The following DCTD variants were observed in gnomAD, a reference collection of about 807,000 sequenced individuals.
DCTD encodes dCMP deaminase, also known as deoxycytidylate deaminase.
A neutral mutation model predicts 21.0 loss-of-function variants in DCTD; 23 were observed. That is an observed-to-expected ratio of 1.09 (90% CI 0.79 to 1.55). The LOEUF (loss-of-function observed/expected upper bound fraction) is 1.55, where lower values mean the gene tolerates loss of function less well. Ranked by LOEUF, DCTD falls within the 40% of genes most tolerant of loss-of-function variation. The probability of loss-of-function intolerance (pLI) is 0.00; values close to 1 mark genes in which losing one functional copy is unlikely to be tolerated. For missense variants in DCTD, 224 were observed against 230.0 expected (o/e 0.97, Z 0.17); for synonymous variants, 71 against 81.1 (o/e 0.88, Z 0.67).
chr4:182,909,772 G>T (rs1187464217), intron 3 of DCTD, among the ~76,000 whole-genome samples: 2 of 152,154 alleles, frequency 1.3e-5, no homozygotes, highest in African/African-American at 4.8e-5. Flanking sequence ...TGGCAGTCAG[G>T]AAAATGTCAG....
At chr4:182,911,334 A>T (rs1393919777) in intron 3 of DCTD, 1 of 152,214 alleles carries the variant, frequency 6.6e-6, no homozygotes, top group Middle Eastern at 3.1e-3. Context: ...TTAGGGTTTC[A>T]ACATGTGAAT....
At chr4:182,898,361 G>A (rs747572993) in intron 3 of DCTD, among the ~76,000 whole-genome samples, 1 of 152,344 alleles carries the variant, frequency 6.6e-6, no homozygotes, top group East Asian at 1.9e-4. Context: ...CTTGGAAGCC[G>A]GATGACCTTC....
At chr4:182,911,151 C>G (rs1737595108) in intron 3 of DCTD, 1 of 152,138 alleles carries the variant, frequency 6.6e-6, no homozygotes, top group Non-Finnish European at 1.5e-5. Flanking sequence ...GCAAGGTCTC[C>G]TTTCAGGGTT....
intron 3 of DCTD, among the ~76,000 whole-genome samples, chr4:182,904,371 T>C (rs1282845050): frequency 6.6e-6 from 1 of 152,146 alleles, no homozygotes; most frequent in Admixed American, 6.5e-5. Flanking sequence ...AATGCACACG[T>C]GATGCCTAAA....
chr4:182,898,919 A>G (rs1459108962), intron 3 of DCTD, among the ~76,000 whole-genome samples: 1 of 152,238 alleles, frequency 6.6e-6, no homozygotes, highest in Non-Finnish European at 1.5e-5. Flanking sequence ...TTCTGTTTTA[A>G]TGAAATAGGT....
rs1467685146 is a variant in DCTD at position 182,917,172 on chromosome 4, G to C, written c.-8+139C>G. 1 of 989,576 alleles carries C rather than the reference G, an allele frequency of 1.0e-6. No homozygotes were observed. Among genetic ancestry groups the C allele is most frequent in the Non-Finnish European group, 1.2e-6 (1 of 833,180 alleles). The allele number at this position is 989,576 out of a possible 1,614,324, so 61.3% of individuals were successfully genotyped here. A position where few individuals can be genotyped will look rare whatever the true frequency, so the allele number is the denominator to read the frequency against. ...ATTCTCCGATCTAAAGGCTGAGCGC[G>C]GCCGAGGCGCCCCCAGCGTCCGCGG... is the stretch of plus-strand genomic sequence containing the variant. On this transcript the variant is annotated intron_variant, in intron 1 of 5. Coordinates refer to ENST00000438320, the MANE Select transcript of DCTD (RefSeq NM_001921.3). The surrounding 1 kb of genome is among the most constrained non-coding windows in gnomAD (Gnocchi z 4.9).
chr4:182,900,334 CA>C (rs755745027), intron 3 of DCTD, among the ~76,000 whole-genome samples: 6 of 151,854 alleles, frequency 4.0e-5, no homozygotes, highest in Non-Finnish European at 5.9e-5. Context: ...AAAAAAGTTT[CA>C]GATTTTGATT....
At chr4:182,903,581 G>A (rs575644616) in intron 3 of DCTD, among the ~76,000 whole-genome samples, 6 of 152,232 alleles carry the variant, frequency 3.9e-5, no homozygotes, top group East Asian at 1.9e-4. Flanking sequence ...AAATGACAGC[G>A]CAAAGGAATT....
chr4:182,916,755 G>A, intron 1 of DCTD: 16 of 1,109,718 alleles, frequency 1.4e-5, no homozygotes, highest in Non-Finnish European at 1.7e-5. Context: ...AGCCATGGGG[G>A]GCGAGGGAAG....
rs149094644 is a variant in DCTD, at chr4:182,902,630, A to G, written c.245-8025T>C. On this transcript the variant is annotated intron_variant, in intron 3 of 5. Coordinates refer to ENST00000438320, the MANE Select transcript of DCTD (RefSeq NM_001921.3). ...CAGCCCTTAGTAACAGGACTGGAGC[A>G]AGAAAATAAAACAGTTTAAAACTTT... 4.2e-3 allele frequency among the ~76,000 whole-genome samples: 647 copies of G among 152,354 alleles called. 5 individuals carry two copies. Among genetic ancestry groups the G allele is most frequent in the African/African-American group, 0.015 (618 of 41,576 alleles).
chr4:182,917,387 G>A (rs1250109556), upstream of DCTD: 3 of 1,086,512 alleles, frequency 2.8e-6, no homozygotes, highest in African/African-American at 1.7e-5. The surrounding 1 kb of genome is among the most constrained non-coding windows in gnomAD (Gnocchi z 4.9). Flanking sequence ...GTCGGGGGAG[G>A]AGGCGGGGCC....
At chr4:182,895,507 C>A (rs1734581514) in intron 3 of DCTD, among the ~76,000 whole-genome samples, 1 of 152,210 alleles carries the variant, frequency 6.6e-6, no homozygotes, top group Admixed American at 6.5e-5. Flanking sequence ...AGGGGATCCC[C>A]TTCCTCCCTC....
chr4:182,901,694 T>A (rs925722227), intron 3 of DCTD, among the ~76,000 whole-genome samples: 5 of 151,828 alleles, frequency 3.3e-5, no homozygotes, highest in Non-Finnish European at 7.4e-5. Flanking sequence ...AGCATCACCC[T>A]CTATTATTTC....
chr4:182,915,098 G>T, intron 2 of DCTD, 40 bp from the exon 3 acceptor site: 1 of 1,613,850 alleles, frequency 6.2e-7, no homozygotes. Context: ...GCCTGCAACT[G>T]GCTGGTCTGC....
chr4:182,893,963 A>G (rs2152854697), intron 4 of DCTD, among the ~76,000 whole-genome samples: 1 of 152,380 alleles, frequency 6.6e-6, no homozygotes, highest in East Asian at 1.9e-4. Flanking sequence ...AGTTTGAAAA[A>G]GGCGAAATAT....
At chr4:182,914,370 A>C (rs1173459212) in intron 3 of DCTD, among the ~76,000 whole-genome samples, 1 of 152,194 alleles carries the variant, frequency 6.6e-6, no homozygotes, top group South Asian at 2.1e-4. Flanking sequence ...CTGTAACTGG[A>C]GGAAGCAACT....
chr4:182,891,284 C>A lies in DCTD; in HGVS notation c.*115G>T, dbSNP rs1733697867. The A allele has an allele frequency of 2.8e-6, 2 of 726,224 alleles. No homozygotes were observed. The highest frequency in any genetic ancestry group is 2.1e-5 in the Admixed American group (1 of 46,998). 45.0% of individuals were successfully genotyped at this position (726,224 alleles called of 1,614,324 possible). On this transcript the variant is annotated 3_prime_UTR_variant, in exon 6 of 6. Transcript: ENST00000438320. ...TTTGAGGCTTTATATTCTTTAGATGCCTACTTTTGCCATACTGGCTAGTAA... is the reference window on the plus strand; with the variant it reads ...TTTGAGGCTTTATATTCTTTAGATGACTACTTTTGCCATACTGGCTAGTAA...
Position 182,893,097 on chromosome 4 carries a change from T to G in DCTD, c.392A>C (p.Lys131Thr), listed in dbSNP as rs1561314904. The change falls in exon 5 of 6, where the codon AAA becomes ACA. Residue 131 changes from lysine to threonine, a missense_variant. Coordinates refer to ENST00000438320, the MANE Select transcript of DCTD (RefSeq NM_001921.3). ...AGTTGCCTCGTCACTATCATGGTAT[T>G]TATCAGACATGAAAATCACTTCTTT... Reference protein sequence around the residue: ...GIKEVIFMSDKYHDSDEATAA... With the variant: ...GIKEVIFMSDTYHDSDEATAA... The G allele has an allele frequency of 6.2e-7, 1 of 1,610,990 alleles. No individual in the cohort carries two copies. The highest frequency in any genetic ancestry group is 8.5e-7 in the Non-Finnish European group (1 of 1,177,948).
At chr4:182,914,573 C>A (rs147528869) in intron 3 of DCTD, among the ~76,000 whole-genome samples, 243 of 152,368 alleles carry the variant, frequency 1.6e-3, no homozygotes, top group African/African-American at 5.5e-3. Flanking sequence ...AGACACCATG[C>A]ACATCCCTCA....
Sources: gnomAD v4.1 joint callset for allele counts (sites outside exome capture counted in the v4.1 genomes callset) on GRCh38, gnomAD v4.1.1 for gene constraint, Gnocchi (gnomAD v3.1) non-coding constraint, MANE v1.5 for transcripts, NCBI Gene and HGNC (gene_info 2026-07-23, HGNC 2026-07-21) for gene names.